GPC5: variants seen among roughly 807,000 people sequenced by gnomAD.
GPC5 encodes glypican-5.
In GPC5, 47 loss-of-function variants were observed where a neutral mutation model predicts 53.9. The observed-to-expected ratio is 0.87, with a 90% CI of 0.69 to 1.11. GPC5 has a LOEUF of 1.11. Ranked by LOEUF, GPC5 falls within the 50% of genes most tolerant of loss-of-function variation. The probability of loss-of-function intolerance (pLI) is 0.00; values close to 1 mark genes in which losing one functional copy is unlikely to be tolerated. For missense variants in GPC5, 748 were observed against 713.1 expected, an observed-to-expected ratio of 1.05 and a Z score of -0.56; for synonymous variants, 286 against 263.3, an observed-to-expected ratio of 1.09 and a Z score of -0.84.
chr13:92,285,192 A>G (rs1200546088), intron 7 of GPC5, among the ~76,000 whole-genome samples: 2 of 152,208 alleles, frequency 1.3e-5, no homozygotes, highest in Non-Finnish European at 2.9e-5. Context: ...AGGGACGTGA[A>G]GGACCTATTC....
rs965745761 is a variant in GPC5 at position 92,559,121 on chromosome 13, C to T, written c.1562-307161C>T. Among the ~76,000 whole-genome samples the T allele has an allele frequency of 2.8e-4, 41 of 144,642 alleles. 1 individual carries two copies. The highest frequency in any genetic ancestry group is 5.7e-4 in the Non-Finnish European group (37 of 64,480). The allele number at this position is 144,642 out of a possible 152,430, so 94.9% of individuals were successfully genotyped here. ...CTTGGCTTATTTCCCCTCTGAACTA[C>T]AGGAGCATACATCACCCAGCAACGG... On this transcript the variant is annotated intron_variant, in intron 7 of 7. Coordinates refer to ENST00000377067, the MANE Select transcript of GPC5 (RefSeq NM_004466.6).
intron 3 of GPC5, among the ~76,000 whole-genome samples, chr13:91,719,160 A>G (rs1008878648): frequency 2.9e-4 from 44 of 152,230 alleles, no homozygotes; most frequent in African/African-American, 9.9e-4. Flanking sequence ...GGATGGACAG[A>G]GCTTGCAAGT....
intron 7 of GPC5, among the ~76,000 whole-genome samples, chr13:92,320,769 C>T (rs1312228311): frequency 6.6e-6 from 1 of 152,096 alleles, no homozygotes; most frequent in African/African-American, 2.4e-5. Context: ...TTAATTAGGG[C>T]CCCCAAATGT....
chr13:91,426,141 G>A (rs557305183), intron 1 of GPC5, among the ~76,000 whole-genome samples: 1 of 152,258 alleles, frequency 6.6e-6, no homozygotes, highest in East Asian at 1.9e-4. Flanking sequence ...AATTTTCTGG[G>A]GAGAAATTCA....
intron 7 of GPC5, among the ~76,000 whole-genome samples, chr13:92,804,982 C>T (rs1387344572): frequency 6.6e-6 from 1 of 151,776 alleles, no homozygotes; most frequent in Non-Finnish European, 1.5e-5. Flanking sequence ...GAGATTACAG[C>T]AATTTAGCTA....
chr13:92,594,774 A>G (rs1594331805), intron 7 of GPC5, among the ~76,000 whole-genome samples: 3 of 152,314 alleles, frequency 2.0e-5, no homozygotes, highest in East Asian at 3.9e-4. Context: ...CCCCATTCCT[A>G]TCTACTTCCA....
intron 7 of GPC5, among the ~76,000 whole-genome samples, chr13:92,682,222 G>C (rs560289324): frequency 6.6e-6 from 1 of 152,098 alleles, no homozygotes; most frequent in Non-Finnish European, 1.5e-5. Context: ...TTAGCAAAAA[G>C]CTTCATCCCT....
chr13:91,935,839 T>C (rs542128646), intron 6 of GPC5, among the ~76,000 whole-genome samples: 50 of 152,088 alleles, frequency 3.3e-4, no homozygotes, highest in African/African-American at 1.1e-3. Flanking sequence ...ATAAACTGTA[T>C]GACAAATCAC....
At chr13:91,929,537 A>C (rs1307596000) in intron 6 of GPC5, among the ~76,000 whole-genome samples, 1 of 152,074 alleles carries the variant, frequency 6.6e-6, no homozygotes, top group Non-Finnish European at 1.5e-5. Flanking sequence ...TTTCATTGCC[A>C]TGTAAGCAGA....
chr13:91,401,792 A>G (rs930311967), intron 1 of GPC5, among the ~76,000 whole-genome samples: 1 of 152,216 alleles, frequency 6.6e-6, no homozygotes, highest in Non-Finnish European at 1.5e-5. Context: ...ACTGTTTCTC[A>G]GATTCCCCTC....
intron 7 of GPC5, among the ~76,000 whole-genome samples, chr13:92,285,931 AAC>A (rs1491445123): frequency 2.7e-5 from 4 of 150,820 alleles, no homozygotes; most frequent in Non-Finnish European, 5.9e-5. Context: ...AGCAAAAAAA[AAC>A]CTACCATCAG....
chr13:92,384,325 G>A (rs1335368599), intron 7 of GPC5, among the ~76,000 whole-genome samples: 1 of 152,018 alleles, frequency 6.6e-6, no homozygotes, highest in Admixed American at 6.6e-5. Context: ...TTCACTTGGG[G>A]ACTCAGGATG....
chr13:91,520,930 A>C (rs902875920), intron 2 of GPC5, among the ~76,000 whole-genome samples: 6 of 152,162 alleles, frequency 3.9e-5, no homozygotes, highest in African/African-American at 1.4e-4. Flanking sequence ...CTTACAATTT[A>C]ATGATTATAT....
chr13:91,519,636 A>G (rs1219932290), intron 2 of GPC5, among the ~76,000 whole-genome samples: 1 of 152,232 alleles, frequency 6.6e-6, no homozygotes, highest in Non-Finnish European at 1.5e-5. Flanking sequence ...TGAGTCAATT[A>G]AACTTCTTTT....
chr13:92,029,872 T>G (rs545770059), intron 6 of GPC5, among the ~76,000 whole-genome samples: 17 of 152,206 alleles, frequency 1.1e-4, no homozygotes, highest in Admixed American at 9.2e-4. Flanking sequence ...ACATTAAATA[T>G]CAAATGTGAC....
rs145419815 is a variant in GPC5, at chr13:91,410,183, A to G, written c.163+10974A>G. On this transcript the variant is annotated intron_variant, in intron 1 of 7. Coordinates refer to ENST00000377067, the MANE Select transcript of GPC5 (RefSeq NM_004466.6). Reference sequence around the variant, plus strand: ...TTTTCCCTTTCAGTGGTTTTTGAGAAGCATGTGGTATTGGGAAGGCGGTTT... The same window carrying G: ...TTTTCCCTTTCAGTGGTTTTTGAGAGGCATGTGGTATTGGGAAGGCGGTTT... Among the ~76,000 whole-genome samples the G allele has an allele frequency of 7.0e-3, 1,066 of 152,278 alleles. 10 individuals are homozygous for G. The highest frequency in any genetic ancestry group is 0.011 in the Non-Finnish European group (745 of 68,026).
chr13:92,849,103 T>G (rs1878706670), intron 7 of GPC5, among the ~76,000 whole-genome samples: 1 of 149,554 alleles, frequency 6.7e-6, no homozygotes, highest in Non-Finnish European at 1.5e-5. Context: ...TGTTACATAG[T>G]CCCATCTAAA....
chr13:92,513,397 G>A (rs1400094756), intron 7 of GPC5, among the ~76,000 whole-genome samples: 1 of 151,826 alleles, frequency 6.6e-6, no homozygotes, highest in Non-Finnish European at 1.5e-5. Context: ...CTGCTGTCAT[G>A]GTTGTGGAAC....
intron 6 of GPC5, among the ~76,000 whole-genome samples, chr13:92,118,578 A>G (rs1336421351): frequency 1.3e-5 from 2 of 152,192 alleles, no homozygotes; most frequent in African/African-American, 4.8e-5. Flanking sequence ...TATATGATCC[A>G]TCTTACAGAG....
Sources: gnomAD v4.1 joint callset for allele counts (sites outside exome capture counted in the v4.1 genomes callset) on GRCh38, gnomAD v4.1.1 for gene constraint, MANE v1.5 for transcripts, NCBI Gene and HGNC (gene_info 2026-07-23, HGNC 2026-07-21) for gene names.